PNOC: variants seen among roughly 807,000 people sequenced by gnomAD.
The protein encoded by PNOC is nociceptin.
In PNOC, 10 loss-of-function variants were observed where a neutral mutation model predicts 15.6. The ratio of observed to expected loss-of-function variants is 0.64; its 90% confidence interval spans 0.40 to 1.09. The LOEUF is 1.09. Among genes scored for constraint, PNOC ranks in the 50% least tolerant of loss-of-function variants. The pLI, the probability that PNOC is intolerant of heterozygous loss-of-function variation, is 0.01. For synonymous variants in PNOC, 98 were observed against 88.5 expected (o/e 1.11, Z -0.60); for missense variants, 220 against 223.9 (o/e 0.98, Z 0.11).
At chr8:28,320,092 C>CTTTTT (rs34876964) in intron 1 of PNOC, among the ~76,000 whole-genome samples, 1,932 of 29,724 alleles carry the variant, frequency 0.065, 345 homozygotes, top group Non-Finnish European at 0.087. Context: ...TTCTTTCTTT[C>CTTTTT]TTTTTTTTTT....
chr8:28,319,775 C>T lies in PNOC; in HGVS notation c.-24+2459C>T, dbSNP rs111570397. On this transcript the variant is annotated intron_variant, in intron 1 of 3. Coordinates refer to ENST00000301908, the MANE Select transcript of PNOC (RefSeq NM_006228.5). ...TGCATTCCGAGTCTGGGTGGAGCTA[C>T]TCCTCAGATATCTTAGGAAAGGGAC... 2.5e-3 allele frequency among the ~76,000 whole-genome samples: 379 copies of T among 152,314 alleles called. 1 individual carries two copies. Among genetic ancestry groups the T allele is most frequent in the African/African-American group, 8.0e-3 (331 of 41,572 alleles).
At chr8:28,318,110 C>T (rs889137304) in intron 1 of PNOC, among the ~76,000 whole-genome samples, 2 of 152,136 alleles carry the variant, frequency 1.3e-5, no homozygotes, top group African/African-American at 4.8e-5. Context: ...ATAGTCACCG[C>T]ATCCCAACTC....
At chr8:28,317,734 G>A (rs1801082457) in intron 1 of PNOC, among the ~76,000 whole-genome samples, 1 of 152,124 alleles carries the variant, frequency 6.6e-6, no homozygotes. Flanking sequence ...CCTCATGAGG[G>A]TTTCCTCTCA....
At chr8:28,327,316 C>A (rs1449731279) in intron 1 of PNOC, among the ~76,000 whole-genome samples, 1 of 152,240 alleles carries the variant, frequency 6.6e-6, no homozygotes, top group Non-Finnish European at 1.5e-5. Flanking sequence ...GAAAACTGCA[C>A]ACCTTTCAGG....
At chr8:28,327,679 C>T (rs1263209593) in intron 1 of PNOC, among the ~76,000 whole-genome samples, 1 of 150,910 alleles carries the variant, frequency 6.6e-6, no homozygotes, top group Admixed American at 6.6e-5. Context: ...CAATTTCTGG[C>T]TAATTTTTGT....
intron 1 of PNOC, among the ~76,000 whole-genome samples, chr8:28,318,393 T>C (rs904046608): frequency 6.6e-6 from 1 of 152,172 alleles, no homozygotes; most frequent in Admixed American, 6.5e-5. Flanking sequence ...TTATAACCAA[T>C]AACATTGTTC....
chr8:28,320,991 T>A (rs1428444909), intron 1 of PNOC, among the ~76,000 whole-genome samples: 1 of 152,186 alleles, frequency 6.6e-6, no homozygotes, highest in African/African-American at 2.4e-5. Flanking sequence ...TTTCTTTCTT[T>A]CTTTTTGAGT....
At chr8:28,330,408 T>TATTTTATTTTATTTTATTTTA (rs1257291054) in intron 2 of PNOC, among the ~76,000 whole-genome samples, 3 of 139,956 alleles carry the variant, frequency 2.1e-5, no homozygotes, top group African/African-American at 7.8e-5. Context: ...TTTTTTTTTT[T>TATTTTATTTTATTTTATTTTA]TTTTGAGACG....
At chr8:28,320,047 C>T (rs971604858) in intron 1 of PNOC, among the ~76,000 whole-genome samples, 1 of 148,174 alleles carries the variant, frequency 6.7e-6, no homozygotes, top group Admixed American at 6.8e-5. Context: ...CAATTTTCCA[C>T]GATCCTGTGG....
In PNOC at chr8:28,339,376, C is replaced by G. The variant is rs1274581820; in HGVS notation, c.463C>G (p.Gln155Glu). ...GAAGCGGTTCAGTGAGTTTATGAGG[C>G]AATACTTGGTCCTGAGCATGCAGTC... Reference protein sequence around the residue: ...NQKRFSEFMRQYLVLSMQSSQ... With the variant: ...NQKRFSEFMREYLVLSMQSSQ... The change falls in exon 3 of 4, where the codon CAA becomes GAA. Residue 155 changes from glutamine (Q) to glutamate (E), a missense_variant. Transcript: ENST00000301908. 2 of 1,595,672 alleles carry G rather than the reference C, an allele frequency of 1.3e-6. No homozygotes were observed. Among genetic ancestry groups the G allele is most frequent in the East Asian group, 4.5e-5 (2 of 44,616 alleles).
chr8:28,340,789 G>T (rs1057324861), intron 3 of PNOC, among the ~76,000 whole-genome samples: 13 of 152,178 alleles, frequency 8.5e-5, no homozygotes, highest in Admixed American at 3.9e-4. Context: ...GGGGGCAAGA[G>T]GGGGAAAAGG....
intron 1 of PNOC, among the ~76,000 whole-genome samples, chr8:28,322,322 G>A (rs577376098): frequency 6.6e-5 from 10 of 152,248 alleles, no homozygotes; most frequent in African/African-American, 2.2e-4. Context: ...AACCCAGGAG[G>A]CAGAGTTTGC....
rs1172703743 is a variant in PNOC, at chr8:28,341,900, AC to A, written c.*48-1038del. On this transcript the variant is annotated intron_variant, in intron 3 of 3. Transcript: ENST00000301908. Reference sequence around the variant, plus strand: ...ACCTTGTTTTCATCCACATACACACACCCCAACCTGCCCTACACATGATGGA... The same window carrying A: ...ACCTTGTTTTCATCCACATACACACACCCAACCTGCCCTACACATGATGGA... Among the ~76,000 whole-genome samples, 11 of 151,814 alleles carry A rather than the reference AC, an allele frequency of 7.2e-5. No individual in the cohort carries two copies. In the South Asian group the frequency reaches 8.4e-4, roughly 12 times the overall value.
intron 3 of PNOC, among the ~76,000 whole-genome samples, chr8:28,340,800 G>A (rs1193847532): frequency 6.6e-6 from 1 of 152,170 alleles, no homozygotes; most frequent in African/African-American, 2.4e-5. Flanking sequence ...GGGGAAAAGG[G>A]GAGGTCCCAG....
intron 2 of PNOC, among the ~76,000 whole-genome samples, chr8:28,337,683 C>A (rs1261979610): frequency 6.7e-6 from 1 of 150,190 alleles, no homozygotes; most frequent in Non-Finnish European, 1.5e-5. Flanking sequence ...CCCGGGTTCA[C>A]GCCATTCTCC....
intron 2 of PNOC, among the ~76,000 whole-genome samples, chr8:28,331,197 A>G (rs1431355099): frequency 2.0e-5 from 3 of 152,148 alleles, no homozygotes; most frequent in Non-Finnish European, 4.4e-5. Context: ...CACTTACTAT[A>G]TTATACCAGG....
intron 3 of PNOC, among the ~76,000 whole-genome samples, chr8:28,342,208 C>T (rs1801531852): frequency 6.6e-6 from 1 of 151,960 alleles, no homozygotes; most frequent in Non-Finnish European, 1.5e-5. Context: ...AGCCACTTAG[C>T]CGGGCGTTGT....
chr8:28,335,043 G>T (rs903113871), intron 2 of PNOC, among the ~76,000 whole-genome samples: 3 of 152,154 alleles, frequency 2.0e-5, no homozygotes, highest in African/African-American at 7.2e-5. Flanking sequence ...CATCACTAGG[G>T]GCCAGTGTCA....
chr8:28,327,565 C>CT (rs1369152376), intron 1 of PNOC, among the ~76,000 whole-genome samples: 36,607 of 144,762 alleles, frequency 0.25, 6,235 homozygotes, highest in Non-Finnish European at 0.38. Flanking sequence ...ACATAAAATT[C>CT]TTTTCTTTTT....
Sources: gnomAD v4.1 joint callset for allele counts (sites outside exome capture counted in the v4.1 genomes callset) on GRCh38, gnomAD v4.1.1 for gene constraint, MANE v1.5 for transcripts, NCBI Gene and HGNC (gene_info 2026-07-23, HGNC 2026-07-21) for gene names.